NF2: variants seen among roughly 807,000 people sequenced by gnomAD.
NF2 encodes the protein merlin.
A neutral mutation model predicts 83.7 loss-of-function variants in NF2; 8 were observed. The ratio of observed to expected loss-of-function variants is 0.10; its 90% CI spans 0.06 to 0.17. NF2 has a LOEUF of 0.17. Among genes scored for constraint, NF2 ranks in the 10% least tolerant of loss-of-function variants. The pLI, the probability that NF2 is intolerant of heterozygous loss-of-function variation, is 1.00. For synonymous variants in NF2, 266 were observed against 269.6 expected, an observed-to-expected ratio of 0.99 and a Z score of 0.13; for missense variants, 533 against 744.4, an observed-to-expected ratio of 0.72 and a Z score of 3.31.
chr22:29,659,875 C>T (rs1425858944), intron 7 of NF2, among the ~76,000 whole-genome samples: 1 of 152,124 alleles, frequency 6.6e-6, no homozygotes, highest in Non-Finnish European at 1.5e-5. Flanking sequence ...GCTTTGCTGA[C>T]GAGCAGAAGA....
At chr22:29,612,757 C>T (rs1204143272) in intron 1 of NF2, among the ~76,000 whole-genome samples, 1 of 152,122 alleles carries the variant, frequency 6.6e-6, no homozygotes, top group African/African-American at 2.4e-5. Flanking sequence ...TTGATCTACA[C>T]GTTTGACATA....
chr22:29,616,264 A>G (rs1055319889), intron 1 of NF2, among the ~76,000 whole-genome samples: 7 of 152,212 alleles, frequency 4.6e-5, no homozygotes, highest in African/African-American at 1.7e-4. Context: ...GTACACACTG[A>G]ATGTACTAAA....
intron 1 of NF2, among the ~76,000 whole-genome samples, chr22:29,625,149 G>C (rs1265567582): frequency 6.6e-6 from 1 of 151,918 alleles, no homozygotes; most frequent in Non-Finnish European, 1.5e-5. Flanking sequence ...GGATGGTCTC[G>C]ATCTCTTGAC....
chr22:29,611,510 C>T (rs1191497447), intron 1 of NF2, among the ~76,000 whole-genome samples: 2 of 152,048 alleles, frequency 1.3e-5, no homozygotes, highest in African/African-American at 2.4e-5. Context: ...GGCTGGGCGA[C>T]AGAGCTCAAA....
chr22:29,677,399 T>C (rs1239087572), intron 13 of NF2, among the ~76,000 whole-genome samples: 1 of 150,950 alleles, frequency 6.6e-6, no homozygotes, highest in Non-Finnish European at 1.5e-5. Context: ...CAGGGGATAA[T>C]AAACAATACT....
intron 1 of NF2, among the ~76,000 whole-genome samples, chr22:29,613,220 A>G (rs1028897980): frequency 1.3e-5 from 2 of 152,042 alleles, no homozygotes; most frequent in Non-Finnish European, 2.9e-5. Flanking sequence ...TTCAAGACAT[A>G]CTATAAAACA....
intron 4 of NF2, among the ~76,000 whole-genome samples, chr22:29,642,942 C>G (rs535972842): frequency 1.6e-4 from 25 of 151,762 alleles, no homozygotes; most frequent in Admixed American, 1.2e-3. Flanking sequence ...CGTTCACTTC[C>G]GTTAAATCAC....
chr22:29,614,738 C>G (rs950092199), intron 1 of NF2, among the ~76,000 whole-genome samples: 1 of 151,788 alleles, frequency 6.6e-6, no homozygotes, highest in Non-Finnish European at 1.5e-5. Flanking sequence ...CATCCCCCAC[C>G]CAAAAAAAAG....
intron 13 of NF2, 144 bp downstream of exon 13, chr22:29,675,085 G>A (rs1236271086): frequency 8.5e-6 from 6 of 705,930 alleles, no homozygotes; most frequent in Non-Finnish European, 1.2e-5. Flanking sequence ...AGAGCCTGCA[G>A]TTAGGGACTG....
At chr22:29,688,778 C>T (rs2067328483) in intron 15 of NF2, among the ~76,000 whole-genome samples, 1 of 152,230 alleles carries the variant, frequency 6.6e-6, no homozygotes, top group African/African-American at 2.4e-5. Context: ...TTGGGGTGGA[C>T]TTGGCCTTTC....
intron 1 of NF2, among the ~76,000 whole-genome samples, chr22:29,615,789 G>A (rs1006408443): frequency 1.3e-5 from 2 of 152,090 alleles, no homozygotes; most frequent in African/African-American, 4.8e-5. Flanking sequence ...TAAACACAGA[G>A]TTACCATATA....
At chr22:29,649,580 C>CA (rs2039772315) in intron 4 of NF2, among the ~76,000 whole-genome samples, 1 of 151,838 alleles carries the variant, frequency 6.6e-6, no homozygotes, top group African/African-American at 2.4e-5. Context: ...AAACAAAAGA[C>CA]AAAAAATATA....
chr22:29,639,985 A>G lies in NF2; in HGVS notation c.363+773A>G, dbSNP rs2065761706. Reference sequence around the variant, plus strand: ...GCTGAGGCGGGCAGATCACGAGGTCAGGAGTTCAAGACCAGCCTGACCAAC... The same window carrying G: ...GCTGAGGCGGGCAGATCACGAGGTCGGGAGTTCAAGACCAGCCTGACCAAC... On this transcript the variant is annotated intron_variant, in intron 3 of 15. Coordinates refer to ENST00000338641, the MANE Select transcript of NF2 (RefSeq NM_000268.4). Among the ~76,000 whole-genome samples, 3 of 150,850 alleles carry G rather than the reference A, an allele frequency of 2.0e-5. No homozygotes were observed. The South Asian group carries it at 6.3e-4, about 32-fold the overall frequency.
rs145140369 is a variant in NF2, at chr22:29,611,466, G to A, written c.114+7354G>A. ...TGCTTGAACCTGGGAGGCAGAGGTT[G>A]CAGTGAGCTGAGATAGCACTACTGC... is the stretch of plus-strand genomic sequence containing the variant. On this transcript the variant is annotated intron_variant, in intron 1 of 15. Coordinates refer to ENST00000338641, the MANE Select transcript of NF2 (RefSeq NM_000268.4). Among the ~76,000 whole-genome samples the A allele has an allele frequency of 7.9e-5, 12 of 152,302 alleles. No homozygotes were observed. In the East Asian group the frequency reaches 2.1e-3, roughly 27 times the overall value.
intron 4 of NF2, among the ~76,000 whole-genome samples, chr22:29,651,270 G>A (rs1377064527): frequency 2.6e-5 from 4 of 152,100 alleles, no homozygotes; most frequent in Non-Finnish European, 4.4e-5. Flanking sequence ...TAGAGCCTCC[G>A]TTTAACCTAA....
intron 14 of NF2, among the ~76,000 whole-genome samples, chr22:29,680,802 C>G (rs552232303): frequency 1.7e-4 from 26 of 151,890 alleles, no homozygotes; most frequent in Non-Finnish European, 3.4e-4. Context: ...TAATCCCAGC[C>G]CTTTGAGACC....
chr22:29,664,749 C>T (rs1569299845), intron 8 of NF2, among the ~76,000 whole-genome samples: 1 of 152,156 alleles, frequency 6.6e-6, no homozygotes, highest in Non-Finnish European at 1.5e-5. Context: ...GTCAAGAATC[C>T]CTTCCCACAC....
At chr22:29,691,840 C>T (rs1175743562) in intron 15 of NF2, among the ~76,000 whole-genome samples, 1 of 152,254 alleles carries the variant, frequency 6.6e-6, no homozygotes, top group Non-Finnish European at 1.5e-5. Context: ...GAGCTGCTAC[C>T]TGCAGGAAAG....
At chr22:29,631,871 C>T (rs1345548022) in intron 1 of NF2, among the ~76,000 whole-genome samples, 1 of 152,218 alleles carries the variant, frequency 6.6e-6, no homozygotes, top group African/African-American at 2.4e-5. Flanking sequence ...TGCCCAAGGT[C>T]ACACAGTGAC....
Sources: gnomAD v4.1 joint callset for allele counts (sites outside exome capture counted in the v4.1 genomes callset) on GRCh38, gnomAD v4.1.1 for gene constraint, MANE v1.5 for transcripts, NCBI Gene and HGNC (gene_info 2026-07-23, HGNC 2026-07-21) for gene names.